Variants in TUT1 observed in about 807,000 individuals in gnomAD.
TUT1 encodes the protein terminal uridylyl transferase 1, U6 snRNA-specific.
TUT1 carries 26 observed loss-of-function variants against 48.8 expected under a neutral mutation model. The ratio of observed to expected loss-of-function variants is 0.53; its 90% CI spans 0.39 to 0.74. The LOEUF is 0.74. TUT1 is among the 30% of genes least tolerant of loss of function. The pLI is 0.00. For missense variants in TUT1, 1,065 were observed against 1,114.8 expected (o/e 0.96, Z 0.64); for synonymous variants, 470 against 460.8 (o/e 1.02, Z -0.26).
At chr11:62,584,439 AC>A (rs1349716835) in intron 2 of TUT1, among the ~76,000 whole-genome samples, 1 of 125,738 alleles carries the variant, frequency 8.0e-6, no homozygotes, top group Non-Finnish European at 1.7e-5. Flanking sequence ...TAAATTGTAT[AC>A]TTTTTTTTTT....
At chr11:62,584,978 C>A (rs534343945) in intron 2 of TUT1, among the ~76,000 whole-genome samples, 1 of 151,390 alleles carries the variant, frequency 6.6e-6, no homozygotes, top group Non-Finnish European at 1.5e-5. Flanking sequence ...TCTGCCACTA[C>A]GCCCAGCTAA....
At chr11:62,576,607 A>C (rs773570019) in intron 8 of TUT1, 50 bp downstream of exon 8, 11 of 1,479,900 alleles carry the variant, frequency 7.4e-6, no homozygotes, top group Non-Finnish European at 1.0e-5. Flanking sequence ...TATGTTACCT[A>C]CTGTTGATGA....
Position 62,589,168 on chromosome 11 carries a change from G to C in TUT1, c.136C>G (p.Leu46Val), listed in dbSNP as rs1422337339. 3 of 1,614,132 alleles carry C rather than the reference G, an allele frequency of 1.9e-6. No individual in the cohort carries two copies. The highest frequency in any genetic ancestry group is 2.5e-6 in the Non-Finnish European group (3 of 1,180,062). Residue 46 changes from leucine to valine, a missense_variant, in exon 2 of 9, where the codon CTA becomes GTA. Leu to Val is a conservative substitution (Grantham distance 32). Transcript: ENST00000476907. ...GGRKHRHLVE[L>V]RAARKAQGLR... Reference sequence around the variant, plus strand: ...CCCTGGGCCTTTCTCGCAGCTCGTAGTTCTACCAGGTGCCGGTGCTTTCTG... The same window carrying C: ...CCCTGGGCCTTTCTCGCAGCTCGTACTTCTACCAGGTGCCGGTGCTTTCTG...
In TUT1 at chr11:62,577,239, G is replaced by C; in HGVS notation, c.1213C>G (p.Arg405Gly). The change falls in exon 6 of 9, where the codon CGA (arginine) becomes GGA (glycine). Residue 405 changes from arginine to glycine, a missense_variant. By Grantham distance (125) the Arg-to-Gly change is moderately radical (BLOSUM62 -2). Transcript: ENST00000476907. ...AGGGTGTACACGAGGGGCCGGACTC[G>C]ACCATCCAGCTCAGAGCAGAGACTC... The part of the protein sequence containing the change: ...FLSLCSELDG[R>G]VRPLVYTLRC... 1.9e-6 allele frequency: 3 copies of C among 1,611,848 alleles called. No individual in the cohort carries two copies. The highest frequency in any genetic ancestry group is 4.5e-5 in the East Asian group (2 of 44,866).
In TUT1 at chr11:62,575,985, C is replaced by G. The variant is rs776822010; in HGVS notation, c.1734G>C (p.Gln578His). 8.1e-6 allele frequency: 13 copies of G among 1,614,008 alleles called. No individual in the cohort carries two copies. The East Asian group carries it at 2.9e-4, about 36-fold the overall frequency. Reference sequence around the variant, plus strand: ...GACCCCGGGAGGAACGGCGCTGGTACTGGAGGCTTCGGCAGTAATTGGCTG... The same window carrying G: ...GACCCCGGGAGGAACGGCGCTGGTAGTGGAGGCTTCGGCAGTAATTGGCTG... ...RAAANYCRSLQYQRRSSRGRD... is the reference protein window; with the variant it reads ...RAAANYCRSLHYQRRSSRGRD... Residue 578 changes from glutamine to histidine, a missense_variant, in exon 9 of 9, where the codon CAG becomes CAC. Coordinates refer to ENST00000476907, the MANE Select transcript of TUT1 (RefSeq NM_022830.3).
intron 2 of TUT1, among the ~76,000 whole-genome samples, chr11:62,585,221 A>G (rs772183208): frequency 3.3e-5 from 5 of 152,142 alleles, no homozygotes; most frequent in Non-Finnish European, 5.9e-5. Flanking sequence ...CCTGGGCTCA[A>G]GCGAACCTCC....
intron 4 of TUT1, among the ~76,000 whole-genome samples, chr11:62,579,523 AGAGAGT>A (rs1457133530): frequency 6.6e-6 from 1 of 151,844 alleles, no homozygotes; most frequent in Non-Finnish European, 1.5e-5. Flanking sequence ...AAATATAAAT[AGAGAGT>A]GTGTGTGTGT....
chr11:62,581,872 G>A (rs1941833253), intron 2 of TUT1, among the ~76,000 whole-genome samples, 171 bp from the exon 3 acceptor site: 1 of 152,128 alleles, frequency 6.6e-6, no homozygotes, highest in African/African-American at 2.4e-5. Flanking sequence ...TCAGCCAGGT[G>A]CAGTGACTCA....
At chr11:62,589,596 G>T (rs373511760) in intron 1 of TUT1, among the ~76,000 whole-genome samples, 2 of 152,016 alleles carry the variant, frequency 1.3e-5, no homozygotes, top group Admixed American at 1.3e-4. Context: ...TAGAGACGAG[G>T]GTTCCCAGGA....
At position 62,575,454 on chromosome 11, in the gene TUT1, C is replaced by T. The variant is rs1285867212; in HGVS notation, c.2265G>A (p.Gly755=). Residue 755 remains glycine (G), a synonymous_variant, in exon 9 of 9, where the codon GGG becomes GGA. Transcript: ENST00000476907. ...AAQEWSQGEA[G]KGASLPSSAS... Reference sequence around the variant, plus strand: ...CTGAGGAGGGCAGGGATGCCCCCTTCCCTGCCTCACCCTGAGACCATTCTT... The same window carrying T: ...CTGAGGAGGGCAGGGATGCCCCCTTTCCTGCCTCACCCTGAGACCATTCTT... The T allele has an allele frequency of 6.2e-6, 10 of 1,611,432 alleles. No homozygotes were observed. Among genetic ancestry groups the T allele is most frequent in the Non-Finnish European group, 8.5e-6 (10 of 1,180,014 alleles).
chr11:62,581,062 T>G (rs79021925), intron 4 of TUT1, 44 bp downstream of exon 4: 146,364 of 1,521,046 alleles, frequency 0.096, 8,200 homozygotes, highest in Non-Finnish European at 0.12. Context: ...ACATGGCCAT[T>G]CTCATGGACT....
chr11:62,585,808 T>C (rs576978799), intron 2 of TUT1, among the ~76,000 whole-genome samples: 4 of 150,916 alleles, frequency 2.7e-5, no homozygotes, highest in East Asian at 2.0e-4. Flanking sequence ...CAAAAATAAA[T>C]AAACAGGCCT....
At chr11:62,587,245 G>A (rs555566010) in intron 2 of TUT1, among the ~76,000 whole-genome samples, 6 of 152,184 alleles carry the variant, frequency 3.9e-5, no homozygotes, top group Admixed American at 1.3e-4. Flanking sequence ...GCAATGGCGC[G>A]ATGTCGGCTC....
intron 2 of TUT1, among the ~76,000 whole-genome samples, chr11:62,584,127 A>AT (rs1190506956): frequency 0.011 from 1,447 of 133,286 alleles, 15 homozygotes; most frequent in South Asian, 0.025. Flanking sequence ...ACTGAATTGT[A>AT]TTTTTTTTTT....
At chr11:62,579,238 TGTC>T (rs974163790) in intron 4 of TUT1, among the ~76,000 whole-genome samples, 3 of 152,178 alleles carry the variant, frequency 2.0e-5, no homozygotes, top group Admixed American at 1.3e-4. Context: ...AAAATGTCAT[TGTC>T]GTGAAAGACA....
chr11:62,590,212 G>A (rs1446613807), intron 1 of TUT1, among the ~76,000 whole-genome samples: 2 of 152,208 alleles, frequency 1.3e-5, no homozygotes, highest in Non-Finnish European at 2.9e-5. Context: ...CAAAAGTAGG[G>A]CTGGGCACAT....
chr11:62,587,341 C>T (rs947349746), intron 2 of TUT1, among the ~76,000 whole-genome samples: 2 of 152,076 alleles, frequency 1.3e-5, no homozygotes, highest in Admixed American at 1.3e-4. Context: ...GCCACCACGC[C>T]CCGCTAATTT....
Position 62,582,357 on chromosome 11 carries a change from T to C in TUT1, c.274-656A>G, listed in dbSNP as rs1478249786. On this transcript the variant is annotated intron_variant, in intron 2 of 8. Transcript: ENST00000476907. ...GATTGCTTGAGCCCGGGGGCTGAGA[T>C]TGCAATGAGCCGAGATCGCACCACT... 3 of 201,362 alleles carry C rather than the reference T, an allele frequency of 1.5e-5. No individual in the cohort carries two copies. In the Admixed American group the frequency reaches 1.7e-4, roughly 12 times the overall value. The allele number at this position is 201,362 out of a possible 1,614,324, so 12.5% of individuals were successfully genotyped here. A position where few individuals can be genotyped will look rare whatever the true frequency, so the allele number is the denominator to read the frequency against.
At position 62,580,601 on chromosome 11, in the gene TUT1, CTTTT is replaced by C. The variant is rs1220183156; in HGVS notation, c.690+501_690+504del. ...TGACTGCCAGGTATCCATGTCAATT[CTTTT>C]TTTTTTTTTTTTTTTTTTGAGGAGT... On this transcript the variant is annotated intron_variant, in intron 4 of 8. Transcript: ENST00000476907. Among the ~76,000 whole-genome samples the C allele has an allele frequency of 1.3e-4, 15 of 111,954 alleles. No homozygotes were observed. The East Asian group carries it at 3.2e-3, about 24-fold the overall frequency. 73.4% of individuals were successfully genotyped at this position (111,954 alleles called of 152,430 possible).
Sources: gnomAD v4.1 joint callset for allele counts (sites outside exome capture counted in the v4.1 genomes callset) on GRCh38, gnomAD v4.1.1 for gene constraint, MANE v1.5 for transcripts, NCBI Gene and HGNC (gene_info 2026-07-23, HGNC 2026-07-21) for gene names.